KIFAP3: variants seen among roughly 807,000 people sequenced by gnomAD.
KIFAP3 encodes kinesin-associated protein 3.
Under a neutral mutation model 106.5 loss-of-function variants are expected in KIFAP3, and 68 were observed. That is an observed-to-expected ratio of 0.64 (90% CI 0.53 to 0.78). The LOEUF (loss-of-function observed/expected upper bound fraction) is 0.78. Among genes scored for constraint, KIFAP3 ranks in the 30% least tolerant of loss-of-function variants. The probability of loss-of-function intolerance (pLI) is 0.00; values close to 1 mark genes in which losing one functional copy is unlikely to be tolerated. For missense variants in KIFAP3, 780 were observed against 941.8 expected, an observed-to-expected ratio of 0.83 and a Z score of 2.25; for synonymous variants, 320 against 311.5, an observed-to-expected ratio of 1.03 and a Z score of -0.29.
chr1:169,935,405 G>A (rs1185628886), intron 19 of KIFAP3, among the ~76,000 whole-genome samples: 1 of 151,944 alleles, frequency 6.6e-6, no homozygotes, highest in Non-Finnish European at 1.5e-5. Flanking sequence ...TTGCCTTTTA[G>A]TTTCTGACAG....
At chr1:169,936,138 A>G (rs1558176403) in intron 19 of KIFAP3, among the ~76,000 whole-genome samples, 1 of 151,978 alleles carries the variant, frequency 6.6e-6, no homozygotes, top group Non-Finnish European at 1.5e-5. Flanking sequence ...AAAGTGTTAA[A>G]AATTCATCAA....
chr1:169,965,770 C>T (rs1002400686), intron 17 of KIFAP3, among the ~76,000 whole-genome samples: 1 of 151,944 alleles, frequency 6.6e-6, no homozygotes, highest in Admixed American at 6.6e-5. Flanking sequence ...TATTAATAAA[C>T]GTATACATAC....
intron 1 of KIFAP3, among the ~76,000 whole-genome samples, chr1:170,082,061 A>G (rs1291808921): frequency 1.3e-5 from 2 of 152,222 alleles, no homozygotes; most frequent in Non-Finnish European, 2.9e-5. Context: ...GCATATTTAC[A>G]ATACAACCAG....
chr1:170,046,848 G>A lies in KIFAP3; in HGVS notation c.183C>T (p.Leu61=). 6.2e-7 allele frequency: 1 copy of A among 1,605,186 alleles called. No individual in the cohort carries two copies. The highest frequency in any genetic ancestry group is 8.5e-7 in the Non-Finnish European group (1 of 1,175,674). The change falls in exon 3 of 20, where the codon CTC becomes CTT. Residue 61 remains leucine (L), a synonymous_variant. Transcript: ENST00000361580. ...ECQKIIRLKS[L]NANTDITSLA... ...GGGAAGTTATATCTGTGTTGGCATT[G>A]AGACTCTTAAGTCGAATGCTGTAAG...
chr1:169,967,875 T>G (rs1377550976), intron 17 of KIFAP3, among the ~76,000 whole-genome samples: 1 of 151,802 alleles, frequency 6.6e-6, no homozygotes, highest in Non-Finnish European at 1.5e-5. Flanking sequence ...CTCTAGTCCC[T>G]TCTTATTATT....
intron 19 of KIFAP3, among the ~76,000 whole-genome samples, chr1:169,932,510 C>A (rs559180648): frequency 1.3e-5 from 2 of 152,128 alleles, no homozygotes; most frequent in South Asian, 2.1e-4. Flanking sequence ...ATAAAATTAT[C>A]ACAAGTGCTA....
chr1:170,034,337 C>T, intron 7 of KIFAP3, 35 bp downstream of exon 7: 4 of 1,586,286 alleles, frequency 2.5e-6, no homozygotes, highest in Non-Finnish European at 3.4e-6. Flanking sequence ...AAGCAAAAGA[C>T]AACAGACGGT....
At chr1:170,025,929 T>G (rs1159865937) in intron 8 of KIFAP3, among the ~76,000 whole-genome samples, 2 of 152,174 alleles carry the variant, frequency 1.3e-5, no homozygotes, top group Non-Finnish European at 2.9e-5. Context: ...TGTGCCTTAT[T>G]TGGAAATAGG....
At chr1:169,991,569 A>G (rs992184088) in intron 11 of KIFAP3, among the ~76,000 whole-genome samples, 34 of 152,330 alleles carry the variant, frequency 2.2e-4, no homozygotes, top group Non-Finnish European at 5.0e-4. Context: ...GTTTTCTTAG[A>G]AGATATTTTG....
intron 19 of KIFAP3, among the ~76,000 whole-genome samples, chr1:169,937,234 T>A (rs1663857747): frequency 6.6e-6 from 1 of 151,644 alleles, no homozygotes; most frequent in Non-Finnish European, 1.5e-5. Flanking sequence ...TCCCTAGACC[T>A]CATCCAAGTG....
At chr1:169,947,207 G>C (rs1350048886) in intron 19 of KIFAP3, among the ~76,000 whole-genome samples, 2 of 151,880 alleles carry the variant, frequency 1.3e-5, no homozygotes, top group Non-Finnish European at 2.9e-5. Context: ...GCTTGAAATA[G>C]ATGTTTACAT....
intron 3 of KIFAP3, chr1:170,041,716 A>C: frequency 6.5e-7 from 1 of 1,535,112 alleles, no homozygotes; most frequent in Middle Eastern, 1.7e-4. Flanking sequence ...ACAGTTTCTG[A>C]ATCTGAAAGA....
At chr1:169,971,688 T>C (rs1232440901) in intron 17 of KIFAP3, among the ~76,000 whole-genome samples, 1 of 152,048 alleles carries the variant, frequency 6.6e-6, no homozygotes, top group Non-Finnish European at 1.5e-5. Flanking sequence ...ACTAAGTTAT[T>C]GATTTTTAAA....
At chr1:170,047,653 C>T (rs1473225999) in intron 2 of KIFAP3, among the ~76,000 whole-genome samples, 1 of 149,000 alleles carries the variant, frequency 6.7e-6, no homozygotes, top group Non-Finnish European at 1.5e-5. Context: ...AAGTGAGATC[C>T]ACTTTAAGAT....
At chr1:169,937,821 C>T (rs930786912) in intron 19 of KIFAP3, among the ~76,000 whole-genome samples, 1 of 151,770 alleles carries the variant, frequency 6.6e-6, no homozygotes, top group Non-Finnish European at 1.5e-5. Context: ...AACATGGAGC[C>T]ATTCCTCCAG....
At chr1:169,983,967 T>C (rs1342491254) in intron 12 of KIFAP3, among the ~76,000 whole-genome samples, 1 of 150,898 alleles carries the variant, frequency 6.6e-6, no homozygotes, top group East Asian at 2.0e-4. Context: ...ATAAAAACAC[T>C]TAATCACATA....
intron 2 of KIFAP3, among the ~76,000 whole-genome samples, chr1:170,047,666 A>C (rs1304210864): frequency 1.3e-5 from 2 of 150,850 alleles, no homozygotes; most frequent in African/African-American, 4.9e-5. Context: ...TTTAAGATCT[A>C]TATGAGGAAT....
At position 170,055,367 on chromosome 1, in the gene KIFAP3, T is replaced by C; in HGVS notation, c.102A>G (p.Glu34=). The C allele has an allele frequency of 1.2e-6, 2 of 1,611,154 alleles. No individual in the cohort carries two copies. The highest frequency in any genetic ancestry group is 1.7e-6 in the Non-Finnish European group (2 of 1,178,606). Residue 34 remains glutamate (E), a synonymous_variant, in exon 2 of 20, where the codon GAA becomes GAG. Transcript: ENST00000361580. ...CCCCCATTTCTCCAAGAATGGTAGC[T>C]TCCACTTCATAGTGAACAATGAGTG... ...EKALIVHYEV[E]ATILGEMGDP... is the part of the protein sequence containing the mutation.
intron 8 of KIFAP3, among the ~76,000 whole-genome samples, chr1:170,026,781 C>T (rs544563637): frequency 6.6e-6 from 1 of 152,258 alleles, no homozygotes; most frequent in South Asian, 2.1e-4. Context: ...CTGGCAATCC[C>T]ATAATTCATG....
Sources: gnomAD v4.1 joint callset for allele counts (sites outside exome capture counted in the v4.1 genomes callset) on GRCh38, gnomAD v4.1.1 for gene constraint, MANE v1.5 for transcripts, NCBI Gene and HGNC (gene_info 2026-07-23, HGNC 2026-07-21) for gene names.